The following IGF2R variants were observed in gnomAD, a reference collection of about 807,000 sequenced individuals.
IGF2R encodes cation-independent mannose-6-phosphate receptor.
Under a neutral mutation model 270.6 loss-of-function variants are expected in IGF2R, and 91 were observed. The ratio of observed to expected loss-of-function variants is 0.34; its 90% CI spans 0.28 to 0.40. The LOEUF (loss-of-function observed/expected upper bound fraction) is 0.40, where lower values mean the gene tolerates loss of function less well. IGF2R is among the 10% of genes least tolerant of loss of function. The pLI is 1.00. For synonymous variants in IGF2R, 1,316 were observed against 1,258.9 expected (o/e 1.05, Z -0.96); for missense variants, 2,805 against 3,188.3 (o/e 0.88, Z 2.90).
intron 4 of IGF2R, 45 bp downstream of exon 4, chr6:160,010,830 G>A (rs1583257960): frequency 1.7e-6 from 2 of 1,146,250 alleles, no homozygotes; most frequent in Non-Finnish European, 2.6e-6. Flanking sequence ...GTATACTCTG[G>A]GGAACTTTAT....
chr6:160,107,822 C>T lies in IGF2R; in HGVS notation c.*2738C>T, dbSNP rs991775025. The T allele has an allele frequency of 6.6e-6, 1 of 152,198 alleles. No homozygotes were observed. Among genetic ancestry groups the T allele is most frequent in the African/African-American group, 2.4e-5 (1 of 41,446 alleles). The allele number at this position is 152,198 out of a possible 1,614,324, so 9.4% of individuals were successfully genotyped here. On this transcript the variant is annotated 3_prime_UTR_variant, in exon 48 of 48. Transcript: ENST00000356956. The stretch of plus-strand genomic sequence containing the variant: ...AGGAAGGAACATATAGACATACAGA[C>T]AGGAGACAACATATAGACATTAGAA...
At chr6:160,068,120 G>C (rs2115269583) in intron 29 of IGF2R, 129 bp from the exon 30 acceptor site, 2 of 853,410 alleles carry the variant, frequency 2.3e-6, no homozygotes, top group East Asian at 2.4e-5. Context: ...CAGAGACAGA[G>C]AGAAGTCGAG....
chr6:160,079,583 A>T lies in IGF2R; in HGVS notation c.5482A>T (p.Thr1828Ser), dbSNP rs1387966658. The T allele has an allele frequency of 1.4e-6, 2 of 1,428,264 alleles. No homozygotes were observed. The highest frequency in any genetic ancestry group is 1.8e-6 in the Non-Finnish European group (2 of 1,084,842). The allele number at this position is 1,428,264 out of a possible 1,614,324, so 88.5% of individuals were successfully genotyped here. ...SSLSTSTFKVTRDSRTYSVGV... is the reference protein window; with the variant it reads ...SSLSTSTFKVSRDSRTYSVGV... ...GCCACGCATGGTTTTTGTCCAGGTGACTCGCGACTCGCGCACCTACAGCGT... is the reference window on the plus strand; with the variant it reads ...GCCACGCATGGTTTTTGTCCAGGTGTCTCGCGACTCGCGCACCTACAGCGT... The change falls in exon 38 of 48, where the codon ACT becomes TCT. Residue 1828 changes from threonine to serine, a missense_variant. By Grantham distance (58) the Thr-to-Ser change is moderately conservative (BLOSUM62 1). Transcript: ENST00000356956.
intron 4 of IGF2R, among the ~76,000 whole-genome samples, chr6:160,014,470 C>G (rs1254180756): frequency 6.6e-6 from 1 of 152,114 alleles, no homozygotes; most frequent in East Asian, 1.9e-4. Flanking sequence ...TCTTCTCTTC[C>G]CTCCTGGAGT....
chr6:159,988,709 G>A (rs951073296), intron 1 of IGF2R, among the ~76,000 whole-genome samples: 1 of 152,050 alleles, frequency 6.6e-6, no homozygotes, highest in Non-Finnish European at 1.5e-5. Context: ...GGAGAAACTA[G>A]TCATGGCTCC....
At chr6:160,064,621 A>G in intron 28 of IGF2R, 90 bp downstream of exon 28, 6 of 1,422,216 alleles carry the variant, frequency 4.2e-6, no homozygotes, top group East Asian at 2.3e-5. Flanking sequence ...CTCAGATCTC[A>G]TCAAATCTCC....
At chr6:160,049,260 C>T (rs1233672476) in intron 18 of IGF2R, among the ~76,000 whole-genome samples, 4 of 152,136 alleles carry the variant, frequency 2.6e-5, no homozygotes, top group African/African-American at 9.7e-5. Context: ...TATAGTCAGT[C>T]CTCTTTATTC....
At chr6:160,032,439 CA>C (rs1777717580) in intron 7 of IGF2R, 111 bp from the exon 8 acceptor site, 1 of 935,494 alleles carries the variant, frequency 1.1e-6, no homozygotes, top group Non-Finnish European at 1.6e-6. Flanking sequence ...ACAGAAACAG[CA>C]AAATGTAGAA....
intron 1 of IGF2R, among the ~76,000 whole-genome samples, chr6:159,989,178 G>A (rs1374310839): frequency 6.6e-6 from 1 of 152,142 alleles, no homozygotes; most frequent in African/African-American, 2.4e-5. Flanking sequence ...CTATGTGTGC[G>A]GTTTGGTTTC....
intron 31 of IGF2R, among the ~76,000 whole-genome samples, chr6:160,071,425 A>G (rs1778736227): frequency 6.6e-6 from 1 of 152,196 alleles, no homozygotes; most frequent in Admixed American, 6.5e-5. Flanking sequence ...TGCAGTGGAC[A>G]TGAAGCGTTT....
At chr6:160,041,671 A>G (rs1036061437) in intron 11 of IGF2R, among the ~76,000 whole-genome samples, 2 of 152,210 alleles carry the variant, frequency 1.3e-5, no homozygotes, top group Non-Finnish European at 2.9e-5. Flanking sequence ...GGTTTGCTAA[A>G]TACCAGGTTA....
intron 10 of IGF2R, among the ~76,000 whole-genome samples, chr6:160,040,096 G>C (rs1444544036): frequency 6.6e-6 from 1 of 152,208 alleles, no homozygotes; most frequent in Non-Finnish European, 1.5e-5. Flanking sequence ...ATGAGTCCCA[G>C]AGAACTTGTC....
chr6:160,066,448 C>T lies in IGF2R; in HGVS notation c.4115+1547C>T, dbSNP rs537147851. 4.1e-4 allele frequency among the ~76,000 whole-genome samples: 63 copies of T among 152,196 alleles called. 1 individual carries two copies. In the South Asian group the frequency reaches 0.011, roughly 27 times the overall value. On this transcript the variant is annotated intron_variant, in intron 29 of 47. Coordinates refer to ENST00000356956, the MANE Select transcript of IGF2R (RefSeq NM_000876.4). ...GATTATAGGTGTGAGCCACTGCGCC[C>T]GGCCTTCCTAAAGATATTTTTATGC...
chr6:160,089,995 T>C lies in IGF2R; in HGVS notation c.6547T>C (p.Ser2183Pro). Reference protein sequence around the residue: ...YEIQLSSITSSRNPACSGANI... With the variant: ...YEIQLSSITSPRNPACSGANI... ...GATCCAACTTTCCTCCATCACAAGC[T>C]CCAGAAACCCGGCGTGCTCTGGAGC... The change falls in exon 44 of 48, where the codon TCC becomes CCC. Residue 2183 changes from serine to proline, a missense_variant. Transcript: ENST00000356956. The C allele has an allele frequency of 6.2e-7, 1 of 1,607,116 alleles. No homozygotes were observed. The highest frequency in any genetic ancestry group is 1.1e-5 in the South Asian group (1 of 89,464).
In IGF2R at chr6:159,991,262, G is replaced by A. The variant is rs372323465; in HGVS notation, c.228G>A (p.Gln76=). ...TCTGTGGAAGTGTGGATATTGTCCAGTGCGGGCCATCAAGTGCTGTTTGTA... is the reference window on the plus strand; with the variant it reads ...TCTGTGGAAGTGTGGATATTGTCCAATGCGGGCCATCAAGTGCTGTTTGTA... ...INICGSVDIV[Q]CGPSSAVCMH... The change falls in exon 2 of 48, where the codon CAG becomes CAA. Residue 76 remains glutamine, a synonymous_variant. Transcript: ENST00000356956. 3.7e-6 allele frequency: 6 copies of A among 1,613,870 alleles called. No homozygotes were observed. The highest frequency in any genetic ancestry group is 3.3e-5 in the Admixed American group (2 of 59,984).
Position 160,064,872 on chromosome 6 carries a change from A to G in IGF2R, c.4086A>G (p.Pro1362=). The G allele has an allele frequency of 6.2e-7, 1 of 1,612,898 alleles. No homozygotes were observed. Among genetic ancestry groups the G allele is most frequent in the South Asian group, 1.1e-5 (1 of 91,052 alleles). Residue 1362 remains proline, a synonymous_variant, in exon 29 of 48, where the codon CCA becomes CCG. Transcript: ENST00000356956. ...AGTGGCGAACGCAGTATGCCTGCCC[A>G]CCTTTCGATCTGACTGAATGTTCAT... ...LFEWRTQYAC[P]PFDLTECSFK... is the part of the protein sequence containing the mutation.
At chr6:160,046,265 T>A (rs1478620989) in intron 14 of IGF2R, among the ~76,000 whole-genome samples, 1 of 152,186 alleles carries the variant, frequency 6.6e-6, no homozygotes, top group African/African-American at 2.4e-5. Context: ...TGAATAGCGC[T>A]TTAGGCTAAC....
intron 21 of IGF2R, among the ~76,000 whole-genome samples, chr6:160,058,478 T>C (rs1166792907): frequency 6.6e-6 from 1 of 152,212 alleles, no homozygotes; most frequent in Non-Finnish European, 1.5e-5. Flanking sequence ...AACTATAATA[T>C]AATAATTTTT....
At chr6:160,094,685 T>G (rs1304133300) in intron 44 of IGF2R, 1 of 151,904 alleles carries the variant, frequency 6.6e-6, no homozygotes, top group Non-Finnish European at 1.5e-5. Context: ...GATCACGAGG[T>G]CAGGAGATCG....
Sources: allele counts gnomAD v4.1 joint callset (sites outside exome capture counted in the v4.1 genomes callset), GRCh38; gene constraint gnomAD v4.1.1; transcripts MANE v1.5; gene names NCBI Gene and HGNC (gene_info 2026-07-23, HGNC 2026-07-21).